RBFOX1: variants seen among roughly 807,000 people sequenced by gnomAD.
RBFOX1 encodes the protein RNA binding fox-1 homolog 1, also known as RNA binding protein fox-1 homolog 1.
Under a neutral mutation model 57.7 loss-of-function variants are expected in RBFOX1, and 8 were observed. The ratio of observed to expected loss-of-function variants is 0.14; its 90% CI spans 0.08 to 0.25. The LOEUF is 0.25. RBFOX1 is among the 10% of genes least tolerant of loss of function. RBFOX1 has a pLI of 1.00. For synonymous variants in RBFOX1, 326 were observed against 222.4 expected (o/e 1.47, Z -4.15); for missense variants, 611 against 548.5 (o/e 1.11, Z -1.14).
intron 1 of RBFOX1, among the ~76,000 whole-genome samples, chr16:5,297,898 C>A (rs760914479): frequency 6.6e-6 from 1 of 152,174 alleles, no homozygotes; most frequent in Non-Finnish European, 1.5e-5. Context: ...GGAACAAAGT[C>A]TGTTAGGTAT....
chr16:7,073,708 A>G (rs1265870719), intron 4 of RBFOX1, among the ~76,000 whole-genome samples: 2 of 151,992 alleles, frequency 1.3e-5, no homozygotes, highest in Non-Finnish European at 2.9e-5. Context: ...TATATACAAA[A>G]AAAAATTACA....
At chr16:6,646,453 T>C (rs751728499) in intron 2 of RBFOX1, among the ~76,000 whole-genome samples, 1 of 152,120 alleles carries the variant, frequency 6.6e-6, no homozygotes. Flanking sequence ...TTCTGCCAGA[T>C]CGCTCTTTTC....
At chr16:6,854,827 C>T (rs918978695) in intron 3 of RBFOX1, among the ~76,000 whole-genome samples, 3 of 151,936 alleles carry the variant, frequency 2.0e-5, no homozygotes, top group African/African-American at 2.4e-5. Context: ...ATCTCCTGAC[C>T]TCGTGATCCG....
At chr16:5,455,025 CTCTCTCTG>C (rs1412528427) in intron 1 of RBFOX1, among the ~76,000 whole-genome samples, 3 of 79,480 alleles carry the variant, frequency 3.8e-5, no homozygotes, top group East Asian at 4.3e-4. Flanking sequence ...CTTTCTTTCT[CTCTCTCTG>C]TCTGTCTCTC....
chr16:7,001,403 TA>T lies in RBFOX1; in HGVS notation c.-15-50653del, dbSNP rs1371836769. Reference sequence around the variant, plus strand: ...ATGTGTATGTGTATGTGTATTTGTATATGTATATGTATATGTATATGTATAT... The same window carrying T: ...ATGTGTATGTGTATGTGTATTTGTATTGTATATGTATATGTATATGTATAT... On this transcript the variant is annotated intron_variant, in intron 3 of 15. Transcript: ENST00000550418. Among the ~76,000 whole-genome samples the T allele has an allele frequency of 1.7e-4, 12 of 71,264 alleles. No homozygotes were observed. The Admixed American group carries it at 1.8e-3, about 11-fold the overall frequency. The allele number at this position is 71,264 out of a possible 152,430, so 46.8% of individuals were successfully genotyped here. A position where few individuals can be genotyped will look rare whatever the true frequency, so the allele number is the denominator to read the frequency against.
At chr16:7,306,750 G>T (rs1223687478) in intron 4 of RBFOX1, among the ~76,000 whole-genome samples, 1 of 152,124 alleles carries the variant, frequency 6.6e-6, no homozygotes, top group Non-Finnish European at 1.5e-5. Flanking sequence ...ATCTGTCCTG[G>T]CCATTACTGT....
At chr16:6,070,927 A>T (rs904044030) in intron 1 of RBFOX1, among the ~76,000 whole-genome samples, 4 of 152,208 alleles carry the variant, frequency 2.6e-5, no homozygotes, top group African/African-American at 7.2e-5. Flanking sequence ...ACAATATCAA[A>T]TTATTTTTGA....
At chr16:7,208,830 C>T (rs995571975) in intron 4 of RBFOX1, among the ~76,000 whole-genome samples, 4 of 152,096 alleles carry the variant, frequency 2.6e-5, no homozygotes, top group Non-Finnish European at 5.9e-5. Context: ...GAGTGAGATT[C>T]TGTGTCTGTA....
intron 3 of RBFOX1, among the ~76,000 whole-genome samples, chr16:6,731,189 G>A (rs1038126268): frequency 6.6e-6 from 1 of 152,102 alleles, no homozygotes; most frequent in Non-Finnish European, 1.5e-5. Flanking sequence ...AAAAATACAG[G>A]GAAGATACAT....
intron 3 of RBFOX1, among the ~76,000 whole-genome samples, chr16:6,658,936 G>GTTTTTTTGTTTTT (rs775736061): frequency 9.2e-6 from 1 of 108,486 alleles, no homozygotes; most frequent in African/African-American, 3.2e-5. Flanking sequence ...TGGTTTTTTT[G>GTTTTTTTGTTTTT]TTTTTTTTGT....
chr16:6,296,376 G>A (rs76007175), intron 1 of RBFOX1, among the ~76,000 whole-genome samples: 2,170 of 151,702 alleles, frequency 0.014, 64 homozygotes, highest in African/African-American at 0.05. Flanking sequence ...TATAAAGGCA[G>A]TTTCACCTCA....
chr16:6,034,997 A>C (rs1386097610), intron 1 of RBFOX1, among the ~76,000 whole-genome samples: 1 of 90,524 alleles, frequency 1.1e-5, no homozygotes, highest in South Asian at 3.1e-4. Context: ...AATGAGTTTA[A>C]TGTCAACCCG....
At chr16:6,518,032 C>A (rs921832131) in intron 2 of RBFOX1, among the ~76,000 whole-genome samples, 1 of 152,106 alleles carries the variant, frequency 6.6e-6, no homozygotes. Context: ...CTCTGAAGTT[C>A]TTGTCTGTCT....
At chr16:7,548,966 G>A (rs1248468518) in intron 5 of RBFOX1, among the ~76,000 whole-genome samples, 2 of 152,206 alleles carry the variant, frequency 1.3e-5, no homozygotes, top group African/African-American at 4.8e-5. Flanking sequence ...CCATCCCAGA[G>A]CTCACATTCC....
At chr16:6,070,972 A>C (rs1320056601) in intron 1 of RBFOX1, among the ~76,000 whole-genome samples, 2 of 152,144 alleles carry the variant, frequency 1.3e-5, no homozygotes, top group African/African-American at 4.8e-5. Flanking sequence ...TTGATTAGTG[A>C]GCATTTTCTA....
intron 1 of RBFOX1, among the ~76,000 whole-genome samples, chr16:6,246,455 A>C (rs1209905853): frequency 6.6e-6 from 1 of 152,184 alleles, no homozygotes; most frequent in African/African-American, 2.4e-5. Flanking sequence ...GCTCCAGCAT[A>C]AAAATTCCTG....
At chr16:6,840,477 C>T (rs748861164) in intron 3 of RBFOX1, among the ~76,000 whole-genome samples, 1 of 152,080 alleles carries the variant, frequency 6.6e-6, no homozygotes, top group Non-Finnish European at 1.5e-5. Context: ...ATGTTCATGT[C>T]CCCCTAAATT....
In RBFOX1 at chr16:7,120,838, C is replaced by CACACACACACACACACACACACAT. The variant is rs1555491049; in HGVS notation, c.27+68761_27+68762insCATACACACACACACACACACACA. 3.2e-3 allele frequency among the ~76,000 whole-genome samples: 451 copies of CACACACACACACACACACACACAT among 141,656 alleles called. 5 individuals carry two copies. The highest frequency in any genetic ancestry group is 0.011 in the African/African-American group (403 of 37,806). The allele number at this position is 141,656 out of a possible 152,430, so 92.9% of individuals were successfully genotyped here. On this transcript the variant is annotated intron_variant, in intron 4 of 15. Coordinates refer to ENST00000550418, the MANE Select transcript of RBFOX1 (RefSeq NM_018723.4). ...TTTTATATATGTATATATACACACA[C>CACACACACACACACACACACACAT]ACACACACACACACACACACATACG...
intron 4 of RBFOX1, among the ~76,000 whole-genome samples, chr16:7,457,459 A>G (rs950612820): frequency 2.0e-5 from 3 of 152,256 alleles, no homozygotes; most frequent in East Asian, 3.9e-4. Flanking sequence ...GGACACATCT[A>G]TTTACGTATA....
Sources: allele counts gnomAD v4.1 joint callset (sites outside exome capture counted in the v4.1 genomes callset), GRCh38; gene constraint gnomAD v4.1.1; transcripts MANE v1.5; gene names NCBI Gene and HGNC (gene_info 2026-07-23, HGNC 2026-07-21).